NRG3: variants seen among roughly 807,000 people sequenced by gnomAD.
NRG3 encodes neuregulin 3.
A neutral mutation model predicts 66.9 loss-of-function variants in NRG3; 31 were observed. The ratio of observed to expected loss-of-function variants is 0.46; its 90% CI spans 0.35 to 0.63. NRG3 has a LOEUF of 0.63. NRG3 is among the 20% of genes least tolerant of loss of function. NRG3 has a pLI of 0.00. For missense variants in NRG3, 910 were observed against 878.9 expected (o/e 1.04, Z -0.45); for synonymous variants, 393 against 359.4 (o/e 1.09, Z -1.06).
chr10:82,119,637 T>C (rs1477613374), intron 1 of NRG3, among the ~76,000 whole-genome samples: 3 of 152,112 alleles, frequency 2.0e-5, no homozygotes, highest in Non-Finnish European at 4.4e-5. Context: ...TCTAAACTTA[T>C]GAGATTTTTG....
intron 1 of NRG3, among the ~76,000 whole-genome samples, chr10:82,292,348 A>T (rs1488597217): frequency 6.6e-6 from 1 of 152,186 alleles, no homozygotes; most frequent in African/African-American, 2.4e-5. Flanking sequence ...TCTGACAGGC[A>T]TGCAGAGAAA....
intron 2 of NRG3, among the ~76,000 whole-genome samples, chr10:82,520,338 C>T (rs1386072188): frequency 1.3e-5 from 2 of 151,730 alleles, no homozygotes; most frequent in Non-Finnish European, 2.9e-5. Flanking sequence ...CTTCTAGTCT[C>T]CTGGGGCTTC....
At chr10:82,530,705 T>G (rs1847161816) in intron 2 of NRG3, among the ~76,000 whole-genome samples, 2 of 151,946 alleles carry the variant, frequency 1.3e-5, no homozygotes, top group Non-Finnish European at 2.9e-5. Context: ...AAAGACTGAA[T>G]GAATTAAACA....
intron 1 of NRG3, among the ~76,000 whole-genome samples, chr10:82,244,437 T>C (rs1444225518): frequency 2.0e-5 from 3 of 152,150 alleles, no homozygotes; most frequent in African/African-American, 7.2e-5. Flanking sequence ...TCTGGAACTA[T>C]TTTTGGGTAG....
At chr10:82,510,970 T>C (rs1198468403) in intron 2 of NRG3, among the ~76,000 whole-genome samples, 1 of 152,180 alleles carries the variant, frequency 6.6e-6, no homozygotes, top group African/African-American at 2.4e-5. Context: ...ATTTATTACA[T>C]GAGTGAATGG....
intron 3 of NRG3, among the ~76,000 whole-genome samples, chr10:82,851,663 C>T (rs2063565530): frequency 6.6e-6 from 1 of 152,082 alleles, no homozygotes; most frequent in Non-Finnish European, 1.5e-5. Flanking sequence ...TGGAAGAAGA[C>T]ATACAGGAGA....
At chr10:82,933,020 T>C (rs1252018246) in intron 4 of NRG3, among the ~76,000 whole-genome samples, 1 of 152,154 alleles carries the variant, frequency 6.6e-6, no homozygotes. Flanking sequence ...CTTCCAGAAA[T>C]CTTTAAATGA....
At chr10:82,654,701 T>C (rs1460642272) in intron 2 of NRG3, among the ~76,000 whole-genome samples, 1 of 152,194 alleles carries the variant, frequency 6.6e-6, no homozygotes, top group Non-Finnish European at 1.5e-5. Context: ...AAATAAAATA[T>C]GATTCTTTTT....
chr10:82,408,793 A>G (rs1192618135), intron 2 of NRG3, among the ~76,000 whole-genome samples: 2 of 151,948 alleles, frequency 1.3e-5, no homozygotes, highest in East Asian at 1.9e-4. Flanking sequence ...GAAGTCACAT[A>G]GACTAAGAGT....
intron 1 of NRG3, among the ~76,000 whole-genome samples, chr10:82,332,012 G>A (rs2082158881): frequency 6.6e-6 from 1 of 152,130 alleles, no homozygotes; most frequent in Non-Finnish European, 1.5e-5. Context: ...AGCTTTATGG[G>A]CAATTGTTTG....
At chr10:82,941,907 C>T (rs889867962) in intron 4 of NRG3, among the ~76,000 whole-genome samples, 3 of 151,956 alleles carry the variant, frequency 2.0e-5, no homozygotes, top group African/African-American at 7.3e-5. Flanking sequence ...ATTTTGATAC[C>T]TAGTGGCAAC....
At chr10:82,673,022 A>G (rs1228072323) in intron 2 of NRG3, among the ~76,000 whole-genome samples, 1 of 152,196 alleles carries the variant, frequency 6.6e-6, no homozygotes, top group Non-Finnish European at 1.5e-5. Flanking sequence ...AAGTGTTGGG[A>G]TTACAGGCGT....
At chr10:82,401,471 C>T (rs1327991346) in intron 2 of NRG3, among the ~76,000 whole-genome samples, 1 of 151,946 alleles carries the variant, frequency 6.6e-6, no homozygotes, top group Admixed American at 6.6e-5. Flanking sequence ...AGATTCTATA[C>T]AGTATGAGGC....
At chr10:82,598,918 C>T (rs1035195412) in intron 2 of NRG3, among the ~76,000 whole-genome samples, 1 of 151,946 alleles carries the variant, frequency 6.6e-6, no homozygotes, top group African/African-American at 2.4e-5. Flanking sequence ...GGCATGGTGG[C>T]GCACACCTGT....
intron 2 of NRG3, among the ~76,000 whole-genome samples, chr10:82,730,469 C>CA (rs1263056283): frequency 2.0e-5 from 3 of 152,060 alleles, no homozygotes; most frequent in African/African-American, 4.8e-5. Context: ...TTGCATCAGA[C>CA]AAAAAATGTA....
chr10:82,168,294 G>A (rs934104192), intron 1 of NRG3, among the ~76,000 whole-genome samples: 4 of 152,070 alleles, frequency 2.6e-5, no homozygotes, highest in Non-Finnish European at 4.4e-5. Context: ...TCCGTGGGTA[G>A]GTGGCTGGGA....
chr10:82,771,904 C>T (rs1047557060), intron 3 of NRG3, among the ~76,000 whole-genome samples: 2 of 152,088 alleles, frequency 1.3e-5, no homozygotes, highest in African/African-American at 4.8e-5. Flanking sequence ...TGATTTCTCC[C>T]TCTTACTTAA....
intron 1 of NRG3, among the ~76,000 whole-genome samples, chr10:82,255,776 G>A (rs1220656913): frequency 4.0e-5 from 6 of 151,356 alleles, no homozygotes; most frequent in Middle Eastern, 3.4e-3. Context: ...GCTAATTTTT[G>A]TATTTTTAGT....
At chr10:82,052,767 G>T (rs938166693) in intron 1 of NRG3, among the ~76,000 whole-genome samples, 1 of 152,064 alleles carries the variant, frequency 6.6e-6, no homozygotes, top group Non-Finnish European at 1.5e-5. Flanking sequence ...GGGCAACATT[G>T]TTTAGTATTA....
Sources: gnomAD v4.1 joint callset for allele counts (sites outside exome capture counted in the v4.1 genomes callset) on GRCh38, gnomAD v4.1.1 for gene constraint, MANE v1.5 for transcripts, NCBI Gene and HGNC (gene_info 2026-07-23, HGNC 2026-07-21) for gene names.